The following ABCA1 variants were observed in gnomAD, a reference collection of about 807,000 sequenced individuals.
The protein encoded by ABCA1 is phospholipid-transporting ATPase ABCA1.
ABCA1 carries 133 observed loss-of-function variants against 262.5 expected under a neutral mutation model. That is an observed-to-expected ratio of 0.51 (90% confidence interval 0.44 to 0.59). ABCA1 has a LOEUF of 0.59. Among genes scored for constraint, ABCA1 ranks in the 20% least tolerant of loss-of-function variants. ABCA1 has a pLI of 0.00. For missense variants in ABCA1, 2,452 were observed against 2,777.5 expected (o/e 0.88, Z 2.63); for synonymous variants, 1,022 against 1,043.5 (o/e 0.98, Z 0.40).
At chr9:104,855,669 T>C (rs1198483442) in intron 7 of ABCA1, 10 of 1,480,866 alleles carry the variant, frequency 6.8e-6, no homozygotes, top group East Asian at 2.5e-5. Flanking sequence ...AAATATATTA[T>C]GTGTATGTAG....
chr9:104,804,888 T>C (rs1293685954), intron 31 of ABCA1, among the ~76,000 whole-genome samples, 168 bp from the exon 32 acceptor site: 2 of 152,212 alleles, frequency 1.3e-5, no homozygotes, highest in Non-Finnish European at 2.9e-5. Context: ...CACCCTGCCC[T>C]CGGCACTGGT....
chr9:104,853,343 A>G (rs1835544754), intron 7 of ABCA1, among the ~76,000 whole-genome samples: 1 of 152,232 alleles, frequency 6.6e-6, no homozygotes, highest in Non-Finnish European at 1.5e-5. Context: ...AACCTAGCTC[A>G]TTCAACCCCA....
chr9:104,818,280 T>C (rs1448416813), intron 23 of ABCA1, among the ~76,000 whole-genome samples: 1 of 152,140 alleles, frequency 6.6e-6, no homozygotes, highest in Non-Finnish European at 1.5e-5. Flanking sequence ...GCCTAATAAA[T>C]ATTGGCTGTT....
At chr9:104,885,468 G>C (rs143535394) in intron 3 of ABCA1, among the ~76,000 whole-genome samples, 4 of 149,612 alleles carry the variant, frequency 2.7e-5, no homozygotes, top group Non-Finnish European at 4.5e-5. Flanking sequence ...GCTCCTCAAG[G>C]GCACCTGAAA....
intron 41 of ABCA1, 55 bp downstream of exon 41, chr9:104,793,114 TGC>T: frequency 1.9e-6 from 3 of 1,610,196 alleles, no homozygotes. Context: ...TGTTTCCCTG[TGC>T]GCCTCCTCTG....
chr9:104,809,526 A>G lies in ABCA1; in HGVS notation c.4214T>C (p.Leu1405Ser), dbSNP rs1247799077. ...APEDTGTLEL[L>S]NALTKDPGFG... ...GCCAGGGTCTTTGGTGAGGGCGTTT[A>G]AGAGTTCCAGGGTTCCCGTGTCCTC... The change falls in exon 30 of 50, where the codon TTA becomes TCA. Residue 1405 changes from leucine (L) to serine (S), a missense_variant. Coordinates refer to ENST00000374736, the MANE Select transcript of ABCA1 (RefSeq NM_005502.4). 1 of 1,614,234 alleles carries G rather than the reference A, an allele frequency of 6.2e-7. No individual in the cohort carries two copies. Among genetic ancestry groups the G allele is most frequent in the Non-Finnish European group, 8.5e-7 (1 of 1,180,030 alleles).
At position 104,809,541 on chromosome 9, in the gene ABCA1, C is replaced by T; in HGVS notation, c.4199G>A (p.Gly1400Glu). 1 of 1,614,144 alleles carries T rather than the reference C, an allele frequency of 6.2e-7. No individual in the cohort carries two copies. The highest frequency in any genetic ancestry group is 1.3e-5 in the African/African-American group (1 of 75,036). Residue 1400 changes from glycine (G) to glutamate (E), a missense_variant, in exon 30 of 50, where the codon GGA becomes GAA. By Grantham distance (98) the Gly-to-Glu change is moderately conservative. Coordinates refer to ENST00000374736, the MANE Select transcript of ABCA1 (RefSeq NM_005502.4). ...FVSNDAPEDT[G>E]TLELLNALTK... ...GAGGGCGTTTAAGAGTTCCAGGGTT[C>T]CCGTGTCCTCAGGAGCATCATTGCT...
intron 7 of ABCA1, among the ~76,000 whole-genome samples, chr9:104,857,338 T>C (rs945746459): frequency 2.6e-5 from 4 of 152,042 alleles, no homozygotes; most frequent in African/African-American, 4.8e-5. Flanking sequence ...GCTCAAGCGA[T>C]CCTCCTGCCT....
chr9:104,817,807 C>G lies in ABCA1; in HGVS notation c.3463-403G>C, dbSNP rs1831913892. Among the ~76,000 whole-genome samples the G allele has an allele frequency of 6.6e-6, 1 of 152,220 alleles. No individual in the cohort carries two copies. Among genetic ancestry groups the G allele is most frequent in the African/African-American group, 2.4e-5 (1 of 41,450 alleles). On this transcript the variant is annotated intron_variant, in intron 23 of 49. Transcript: ENST00000374736. The surrounding 1 kb of genome is among the most constrained non-coding windows in gnomAD (Gnocchi z 4.7). The stretch of plus-strand genomic sequence containing the variant: ...CAGATTCTGATTCGGTAGGTCTGAG[C>G]TGGGCCCAGGTTGCTGAATTTCTAA...
At chr9:104,837,385 G>C in intron 10 of ABCA1, 43 bp downstream of exon 10, 1 of 1,613,290 alleles carries the variant, frequency 6.2e-7, no homozygotes, top group Non-Finnish European at 8.5e-7. Flanking sequence ...CCCCAGTTCT[G>C]GGGAGATTCT....
chr9:104,810,239 T>C (rs923264775), intron 29 of ABCA1, among the ~76,000 whole-genome samples: 6 of 150,994 alleles, frequency 4.0e-5, no homozygotes, highest in African/African-American at 9.7e-5. Context: ...CTACAAATCT[T>C]TCAGGACTGA....
intron 1 of ABCA1, among the ~76,000 whole-genome samples, chr9:104,912,895 A>T (rs77297325): frequency 0.018 from 2,718 of 152,334 alleles, 85 homozygotes; most frequent in African/African-American, 0.062. Context: ...GGATTAGTGA[A>T]TTCATAAACA....
intron 11 of ABCA1, among the ~76,000 whole-genome samples, chr9:104,833,089 C>T (rs1564151840): frequency 6.6e-6 from 1 of 152,214 alleles, no homozygotes; most frequent in East Asian, 1.9e-4. Context: ...GTAACAACAA[C>T]AATACTTCCT....
intron 7 of ABCA1, among the ~76,000 whole-genome samples, chr9:104,847,233 C>T (rs1834970414): frequency 6.6e-6 from 1 of 152,194 alleles, no homozygotes; most frequent in African/African-American, 2.4e-5. Flanking sequence ...GTCACTCACT[C>T]TCCCCCGCCA....
At chr9:104,834,066 T>C (rs2119013805) in intron 11 of ABCA1, among the ~76,000 whole-genome samples, 1 of 150,140 alleles carries the variant, frequency 6.7e-6, no homozygotes, top group Non-Finnish European at 1.5e-5. Context: ...AAAAAATCAG[T>C]CTTAGTTTCA....
chr9:104,838,432 A>G (rs1301699368), intron 9 of ABCA1, among the ~76,000 whole-genome samples: 2 of 147,510 alleles, frequency 1.4e-5, no homozygotes, highest in East Asian at 4.0e-4. Flanking sequence ...ACACAGTGAA[A>G]CCCCGTCTCT....
At chr9:104,884,034 C>T (rs1838927807) in intron 4 of ABCA1, among the ~76,000 whole-genome samples, 1 of 152,196 alleles carries the variant, frequency 6.6e-6, no homozygotes, top group African/African-American at 2.4e-5. Context: ...CAGAACTCCC[C>T]TAGCCTTGGC....
chr9:104,901,865 G>A (rs939526594), intron 2 of ABCA1, among the ~76,000 whole-genome samples: 9 of 152,254 alleles, frequency 5.9e-5, no homozygotes, highest in East Asian at 3.9e-4. Context: ...AGTACATCGC[G>A]GGGCCTTAAA....
intron 46 of ABCA1, 148 bp downstream of exon 46, chr9:104,787,772 A>C (rs1829053207): frequency 6.5e-7 from 1 of 1,545,944 alleles, no homozygotes; most frequent in Non-Finnish European, 8.8e-7. Flanking sequence ...CCAAGGGAGA[A>C]GCTTCCCTCT....
Sources: allele counts gnomAD v4.1 joint callset (sites outside exome capture counted in the v4.1 genomes callset), GRCh38; gene constraint gnomAD v4.1.1; non-coding constraint Gnocchi (gnomAD v3.1); transcripts MANE v1.5; gene names NCBI Gene and HGNC (gene_info 2026-07-23, HGNC 2026-07-21).